The following TMEM266 variants were observed in gnomAD, a reference collection of about 807,000 sequenced individuals.
The protein encoded by TMEM266 is Hv1 related protein 1.
In TMEM266, 33 loss-of-function variants were observed where a neutral mutation model predicts 50.5. The ratio of observed to expected loss-of-function variants is 0.65; its 90% confidence interval spans 0.50 to 0.87. The LOEUF (loss-of-function observed/expected upper bound fraction) is 0.87. Ranked by LOEUF, TMEM266 falls within the 40% of genes least tolerant of loss-of-function variation. The pLI, the probability that TMEM266 is intolerant of heterozygous loss-of-function variation, is 0.00. For synonymous variants in TMEM266, 310 were observed against 292.3 expected (o/e 1.06, Z -0.62); for missense variants, 655 against 695.1 (o/e 0.94, Z 0.65).
chr15:76,192,537 TG>T (rs1228633519), intron 9 of TMEM266, among the ~76,000 whole-genome samples: 5 of 152,092 alleles, frequency 3.3e-5, no homozygotes, highest in African/African-American at 1.2e-4. Flanking sequence ...CGCTAATAAG[TG>T]GCAGAGCCAG....
At chr15:76,106,509 G>A (rs1250150650) in intron 1 of TMEM266, among the ~76,000 whole-genome samples, 7 of 152,054 alleles carry the variant, frequency 4.6e-5, no homozygotes, top group Non-Finnish European at 7.4e-5. Context: ...GCGCAATCAC[G>A]GCTCACTGCA....
intron 2 of TMEM266, among the ~76,000 whole-genome samples, chr15:76,135,832 G>T (rs904279): frequency 0.22 from 33,342 of 152,080 alleles, 5,106 homozygotes; most frequent in African/African-American, 0.43. Flanking sequence ...AGGCAGCCAG[G>T]CTGTGGCATT....
At chr15:76,165,297 C>T (rs11856680) in intron 5 of TMEM266, among the ~76,000 whole-genome samples, 22,045 of 152,218 alleles carry the variant, frequency 0.14, 1,804 homozygotes, top group Admixed American at 0.23. Flanking sequence ...GCACCTGAGG[C>T]GGAAGGCAAG....
intron 1 of TMEM266, among the ~76,000 whole-genome samples, chr15:76,081,477 A>G (rs1350032738): frequency 6.6e-6 from 1 of 152,214 alleles, no homozygotes; most frequent in East Asian, 1.9e-4. Flanking sequence ...TGGGCTCACT[A>G]ACGATGATGT....
At chr15:76,203,613 C>G in intron 10 of TMEM266, 128 bp from the exon 11 acceptor site, 1 of 855,248 alleles carries the variant, frequency 1.2e-6, no homozygotes, top group Admixed American at 2.3e-5. Context: ...GGCCTCCTTC[C>G]ACAAAGGCAC....
At chr15:76,126,677 GC>G in intron 1 of TMEM266, among the ~76,000 whole-genome samples, 2 of 151,466 alleles carry the variant, frequency 1.3e-5, no homozygotes, top group South Asian at 4.2e-4. Flanking sequence ...GATTACAGGC[GC>G]CCACCATGCC....
At chr15:76,082,753 G>GCA (rs2036714205) in intron 1 of TMEM266, among the ~76,000 whole-genome samples, 2 of 152,154 alleles carry the variant, frequency 1.3e-5, no homozygotes, top group African/African-American at 4.8e-5. Context: ...TGGATCACTT[G>GCA]AGGTCAGGAG....
intron 1 of TMEM266, among the ~76,000 whole-genome samples, chr15:76,100,042 C>G (rs776718960): frequency 6.6e-6 from 1 of 152,152 alleles, no homozygotes; most frequent in African/African-American, 2.4e-5. Flanking sequence ...GATCCAATCA[C>G]CTCCCACCAG....
In TMEM266 at chr15:76,161,300, C is replaced by T. The variant is rs2038015288; in HGVS notation, c.456+1132C>T. ...CTCACACCAACGGGAGCTGCTCTAC[C>T]TGAGGCACAGGGGCTCTGGGACCCC... On this transcript the variant is annotated intron_variant, in intron 5 of 10. Transcript: ENST00000388942. This position sits in a 1 kb window ranked among gnomAD's most constrained non-coding sequence, Gnocchi z 4.1. Among the ~76,000 whole-genome samples the T allele has an allele frequency of 1.3e-5, 2 of 152,180 alleles. No homozygotes were observed. Among genetic ancestry groups the T allele is most frequent in the Non-Finnish European group, 2.9e-5 (2 of 68,034 alleles).
chr15:76,171,913 G>T (rs1195283043), intron 7 of TMEM266, among the ~76,000 whole-genome samples: 2 of 152,214 alleles, frequency 1.3e-5, no homozygotes, highest in African/African-American at 4.8e-5. Flanking sequence ...GAATGGTGCA[G>T]GATACTGGGG....
At chr15:76,201,909 C>G (rs1270334428) in intron 9 of TMEM266, among the ~76,000 whole-genome samples, 1 of 152,222 alleles carries the variant, frequency 6.6e-6, no homozygotes, top group East Asian at 1.9e-4. Context: ...TTTCCACACC[C>G]CTCATCTCAG....
chr15:76,156,631 G>A lies in TMEM266; in HGVS notation c.255G>A (p.Gly85=). The change falls in exon 4 of 11, where the codon GGG becomes GGA. Residue 85 remains glycine, a synonymous_variant. Transcript: ENST00000388942. ...CTAACTGGCTGAAGCCGTGCTGTGGGAAGAGAGCAGCCGTGTGGCAGGTAT... is the reference window on the plus strand; with the variant it reads ...CTAACTGGCTGAAGCCGTGCTGTGGAAAGAGAGCAGCCGTGTGGCAGGTAT... The A allele has an allele frequency of 3.1e-6, 5 of 1,614,156 alleles. No homozygotes were observed. The highest frequency in any genetic ancestry group is 4.2e-6 in the Non-Finnish European group (5 of 1,180,042).
chr15:76,183,411 C>T lies in TMEM266; in HGVS notation c.768+7737C>T, dbSNP rs144725479. Among the ~76,000 whole-genome samples, 32 of 152,296 alleles carry T rather than the reference C, an allele frequency of 2.1e-4. No individual in the cohort carries two copies. In the East Asian group the frequency reaches 3.7e-3, roughly 17 times the overall value. ...GATTACAGGTGGGAGCCACCAAGCC[C>T]GGCCGATCCTTCTTCCTCCAAGTCC... On this transcript the variant is annotated intron_variant, in intron 8 of 10. Coordinates refer to ENST00000388942, the MANE Select transcript of TMEM266 (RefSeq NM_152335.3).
chr15:76,078,005 T>C (rs1157179412), intron 1 of TMEM266, among the ~76,000 whole-genome samples: 2 of 152,216 alleles, frequency 1.3e-5, no homozygotes, highest in East Asian at 3.9e-4. Context: ...CAGAACACAG[T>C]TGTCATTTAG....
intron 1 of TMEM266, among the ~76,000 whole-genome samples, chr15:76,085,317 G>A (rs1368002697): frequency 3.3e-5 from 5 of 150,254 alleles, no homozygotes; most frequent in Non-Finnish European, 5.9e-5. Context: ...TAGTGTAGTA[G>A]TGTGATCTTG....
intron 1 of TMEM266, among the ~76,000 whole-genome samples, chr15:76,111,323 G>C (rs779780222): frequency 6.6e-6 from 1 of 151,378 alleles, no homozygotes; most frequent in Non-Finnish European, 1.5e-5. Flanking sequence ...TCAGTGATCC[G>C]CCTTGGCCTT....
At chr15:76,177,976 C>A (rs2038320046) in intron 8 of TMEM266, among the ~76,000 whole-genome samples, 2 of 152,202 alleles carry the variant, frequency 1.3e-5, no homozygotes, top group Admixed American at 1.3e-4. Context: ...TGGAGCAGAG[C>A]CCTGGGGAGA....
chr15:76,095,698 C>T (rs937330945), intron 1 of TMEM266, among the ~76,000 whole-genome samples: 1 of 151,984 alleles, frequency 6.6e-6, no homozygotes, highest in Admixed American at 6.6e-5. Flanking sequence ...GGTACCAGCT[C>T]CTCCTTGTAC....
chr15:76,165,659 C>T (rs576160529), intron 5 of TMEM266, among the ~76,000 whole-genome samples: 1 of 152,312 alleles, frequency 6.6e-6, no homozygotes, highest in South Asian at 2.1e-4. Flanking sequence ...AATCCCTCAT[C>T]GTCACCCTGC....
Sources: allele counts gnomAD v4.1 joint callset (sites outside exome capture counted in the v4.1 genomes callset), GRCh38; gene constraint gnomAD v4.1.1; non-coding constraint Gnocchi (gnomAD v3.1); transcripts MANE v1.5; gene names NCBI Gene and HGNC (gene_info 2026-07-23, HGNC 2026-07-21).